The following OCLN variants were observed in gnomAD, a reference collection of about 807,000 sequenced individuals.
OCLN encodes occludin.
OCLN carries 21 observed loss-of-function variants against 47.9 expected under a neutral mutation model. The observed-to-expected ratio is 0.44, with a 90% CI of 0.31 to 0.63. The LOEUF is 0.63. OCLN is among the 30% of genes least tolerant of loss of function. OCLN has a pLI of 0.08. For synonymous variants in OCLN, 117 were observed against 198.4 expected (o/e 0.59, Z 3.45); for missense variants, 360 against 571.0 (o/e 0.63, Z 3.77).
chr5:69,498,853 AT>A (rs1268717005), intron 1 of OCLN, among the ~76,000 whole-genome samples: 1 of 151,748 alleles, frequency 6.6e-6, no homozygotes, highest in Non-Finnish European at 1.5e-5. Flanking sequence ...TAATTTTTGT[AT>A]TTTTAGTAGA....
chr5:69,509,494 GAGC>G lies in OCLN; in HGVS notation c.409_411del (p.Ala137del), dbSNP rs772636131. On this transcript the variant is annotated inframe_deletion, in exon 3 of 9. Coordinates refer to ENST00000396442, the MANE Select transcript of OCLN (RefSeq NM_001205254.2). ...GGCTACGGAGGCTATACAGACCCAA[GAGC>G]AGCAAAGGGCTTCATGTTGGCCATG... The G allele has an allele frequency of 1.9e-6, 3 of 1,614,072 alleles. No homozygotes were observed. Among genetic ancestry groups the G allele is most frequent in the Non-Finnish European group, 2.5e-6 (3 of 1,180,034 alleles).
chr5:69,511,136 G>A (rs536197225), intron 3 of OCLN, among the ~76,000 whole-genome samples: 1 of 151,898 alleles, frequency 6.6e-6, no homozygotes, highest in South Asian at 2.1e-4. Flanking sequence ...GTGCAGTGGT[G>A]TGATCTTTGC....
chr5:69,498,651 A>G (rs1460288560), intron 1 of OCLN, among the ~76,000 whole-genome samples: 2 of 152,100 alleles, frequency 1.3e-5, no homozygotes, highest in African/African-American at 4.8e-5. Context: ...TTGTATTTGC[A>G]TATGGCCTAA....
At position 69,525,384 on chromosome 5, in the gene OCLN, G is replaced by A. The variant is rs1389746145; in HGVS notation, c.892-9310G>A. On this transcript the variant is annotated intron_variant, in intron 4 of 8. Transcript: ENST00000396442. ...CTCCCAAAGTGCTGGGATTACAGGC[G>A]TGAGCCACCGTGCCTGGCCTGTGAG... 3.9e-5 allele frequency among the ~76,000 whole-genome samples: 6 copies of A among 152,090 alleles called. 1 individual carries two copies. Among genetic ancestry groups the A allele is most frequent in the East Asian group, 3.9e-4 (2 of 5,188 alleles).
At chr5:69,514,195 T>C in intron 4 of OCLN, 86 bp downstream of exon 4, 1 of 1,213,314 alleles carries the variant, frequency 8.2e-7, no homozygotes, top group Non-Finnish European at 1.2e-6. Flanking sequence ...ACTTTATTCT[T>C]AGAATTAATG....
intron 5 of OCLN, among the ~76,000 whole-genome samples, chr5:69,536,750 C>T (rs1211471513): frequency 1.3e-5 from 2 of 151,450 alleles, no homozygotes; most frequent in Non-Finnish European, 1.5e-5. Flanking sequence ...AGGTGGATCA[C>T]GAGGTCAGGA....
At position 69,509,447 on chromosome 5, in the gene OCLN, C is replaced by CTATGGCTATGGT. The variant is rs764940164; in HGVS notation, c.369_380dup (p.Tyr126_Gly129dup). On this transcript the variant is annotated inframe_insertion, in exon 3 of 9. Transcript: ENST00000396442. ...TTGGTAGCTACGGAAGTGGCTATGG[C>CTATGGCTATGGT]TATGGCTATGGTTATGGCTATGGCT... 5 of 1,614,044 alleles carry CTATGGCTATGGT rather than the reference C, an allele frequency of 3.1e-6. No individual in the cohort carries two copies. Among genetic ancestry groups the CTATGGCTATGGT allele is most frequent in the Non-Finnish European group, 4.2e-6 (5 of 1,180,038 alleles).
chr5:69,516,467 G>A (rs1036686456), intron 4 of OCLN, among the ~76,000 whole-genome samples: 6 of 151,976 alleles, frequency 3.9e-5, no homozygotes, highest in Non-Finnish European at 7.4e-5. Context: ...GCTTCGGCTC[G>A]GCATCAGTGG....
chr5:69,555,259 G>GTGT lies in OCLN; in HGVS notation c.*1589_*1590insGTT, dbSNP rs1251381956. 1.5e-5 allele frequency: 1 copy of GTGT among 66,340 alleles called. No homozygotes were observed. The highest frequency in any genetic ancestry group is 6.9e-5 in the African/African-American group (1 of 14,438). The allele number at this position is 66,340 out of a possible 1,614,324, so 4.1% of individuals were successfully genotyped here. A position where few individuals can be genotyped will look rare whatever the true frequency, so the allele number is the denominator to read the frequency against. ...TAAGTGTGTGTGTGTGTGTGTGTGT[G>GTGT]TATTTTTTTTTTTTTTTTTTTGAGA... is the stretch of plus-strand genomic sequence containing the variant. On this transcript the variant is annotated 3_prime_UTR_variant, in exon 9 of 9. Coordinates refer to ENST00000396442, the MANE Select transcript of OCLN (RefSeq NM_001205254.2).
At chr5:69,533,565 TCATTTTAATGC>T (rs1392615805) in intron 4 of OCLN, among the ~76,000 whole-genome samples, 1 of 152,224 alleles carries the variant, frequency 6.6e-6, no homozygotes, top group African/African-American at 2.4e-5. Context: ...GATTGCTGTT[TCATTTTAATGC>T]CTCTCCGGGC....
intron 1 of OCLN, among the ~76,000 whole-genome samples, chr5:69,496,284 G>A (rs1023549863): frequency 6.6e-6 from 1 of 151,858 alleles, no homozygotes; most frequent in Non-Finnish European, 1.5e-5. Context: ...ATTTTTAATA[G>A]AGGCGGGGTT....
Position 69,505,044 on chromosome 5 carries a change from G to A in OCLN, c.50+750G>A, listed in dbSNP as rs186428987. Among the ~76,000 whole-genome samples the A allele has an allele frequency of 5.4e-3, 821 of 152,308 alleles. 10 individuals carry two copies. The highest frequency in any genetic ancestry group is 0.019 in the African/African-American group (783 of 41,566). On this transcript the variant is annotated intron_variant, in intron 2 of 8. Transcript: ENST00000396442. ...GCGGGTGGATCACCTGAGGTCGGGA[G>A]TTTAAGACCATCCTGACCAACGTGG...
At chr5:69,496,587 T>G (rs1422789180) in intron 1 of OCLN, among the ~76,000 whole-genome samples, 1 of 141,518 alleles carries the variant, frequency 7.1e-6, no homozygotes, top group African/African-American at 2.8e-5. Context: ...TTTTTTAAGA[T>G]AGATAACGGA....
At chr5:69,516,324 G>A (rs554257408) in intron 4 of OCLN, among the ~76,000 whole-genome samples, 2 of 152,342 alleles carry the variant, frequency 1.3e-5, no homozygotes, top group East Asian at 1.9e-4. Context: ...GCGAAACCCC[G>A]TCTCCACCAA....
intron 3 of OCLN, among the ~76,000 whole-genome samples, chr5:69,511,592 T>G (rs1375633424): frequency 1.3e-5 from 2 of 151,936 alleles, no homozygotes; most frequent in East Asian, 3.9e-4. Context: ...TTTAAAAAAT[T>G]TTTTGTAGAG....
At position 69,493,076 on chromosome 5, in the gene OCLN, G is replaced by C. The variant is rs560964581; in HGVS notation, c.-69+176G>C. Among the ~76,000 whole-genome samples, 7 of 152,320 alleles carry C rather than the reference G, an allele frequency of 4.6e-5. No homozygotes were observed. Among genetic ancestry groups the C allele is most frequent in the Non-Finnish European group, 5.9e-5 (4 of 68,012 alleles). ...CCAGAGAGGCGCGGGTCTGCGGAGA[G>C]AGCAGCACCGGCCAACTTGGGAGGC... is the stretch of plus-strand genomic sequence containing the variant. On this transcript the variant is annotated intron_variant, in intron 1 of 8. Transcript: ENST00000396442. This position sits in a 1 kb window ranked among gnomAD's most constrained non-coding sequence, Gnocchi z 5.3.
rs978654828 is a variant in OCLN at position 69,554,739 on chromosome 5, G to A, written c.*1068G>A. 10 of 151,652 alleles carry A rather than the reference G, an allele frequency of 6.6e-5. 1 individual carries two copies. Among genetic ancestry groups the A allele is most frequent in the Admixed American group, 2.6e-4 (4 of 15,206 alleles). 9.4% of individuals were successfully genotyped at this position (151,652 alleles called of 1,614,324 possible). ...GTCTGGGAATAGAATGCTATACCAC[G>A]AAATACCAAATAATTTCAAATGGTG... On this transcript the variant is annotated 3_prime_UTR_variant, in exon 9 of 9. Transcript: ENST00000396442.
At chr5:69,516,631 A>G (rs1037394666) in intron 4 of OCLN, among the ~76,000 whole-genome samples, 31 of 152,248 alleles carry the variant, frequency 2.0e-4, no homozygotes, top group Admixed American at 1.3e-4. Context: ...GCAAAGACAG[A>G]TTAGAAAAAT....
intron 1 of OCLN, among the ~76,000 whole-genome samples, chr5:69,496,047 A>G (rs960546473): frequency 3.9e-5 from 6 of 152,118 alleles, no homozygotes; most frequent in East Asian, 1.9e-4. Flanking sequence ...TTTTTAGACA[A>G]TTTACTAATG....
Sources: gnomAD v4.1 joint callset for allele counts (sites outside exome capture counted in the v4.1 genomes callset) on GRCh38, gnomAD v4.1.1 for gene constraint, Gnocchi (gnomAD v3.1) non-coding constraint, MANE v1.5 for transcripts, NCBI Gene and HGNC (gene_info 2026-07-23, HGNC 2026-07-21) for gene names.